Variants in KLHL25 observed in about 807,000 individuals in gnomAD.
The protein encoded by KLHL25 is kelch-like protein 25.
KLHL25 carries 41 observed loss-of-function variants against 30.0 expected under a neutral mutation model. The observed-to-expected ratio is 1.37, with a 90% confidence interval of 1.07 to 1.78. The LOEUF (loss-of-function observed/expected upper bound fraction) is 1.78. Ranked by LOEUF, KLHL25 falls within the 40% of genes most tolerant of loss-of-function variation. The pLI, the probability that KLHL25 is intolerant of heterozygous loss-of-function variation, is 0.00. For synonymous variants in KLHL25, 399 were observed against 355.3 expected, an observed-to-expected ratio of 1.12 and a Z score of -1.38; for missense variants, 971 against 824.5, an observed-to-expected ratio of 1.18 and a Z score of -2.18.
At chr15:85,784,840 G>C (rs539342429) in intron 1 of KLHL25, among the ~76,000 whole-genome samples, 6 of 152,294 alleles carry the variant, frequency 3.9e-5, no homozygotes, top group African/African-American at 1.4e-4. Flanking sequence ...AACCCAGTCA[G>C]GCCAGCCCAG....
In KLHL25 at chr15:85,789,832, A is replaced by T; in HGVS notation, c.-11+4934T>A. 6.6e-6 allele frequency among the ~76,000 whole-genome samples: 1 copy of T among 152,064 alleles called. No homozygotes were observed. The highest frequency in any genetic ancestry group is 1.9e-4 in the East Asian group (1 of 5,188). ...TCCCCTGATGCAGTCTTCTGTCTCC[A>T]CCAGCCCCTTCGCAGGAGGCCTCAA... On this transcript the variant is annotated intron_variant, in intron 1 of 2. Coordinates refer to ENST00000337975, the MANE Select transcript of KLHL25 (RefSeq NM_022480.4). The surrounding 1 kb of genome is among the most constrained non-coding windows in gnomAD (Gnocchi z 4.1).
chr15:85,794,006 A>G (rs1217987375), intron 1 of KLHL25, among the ~76,000 whole-genome samples: 1 of 152,186 alleles, frequency 6.6e-6, no homozygotes, highest in Non-Finnish European at 1.5e-5. Context: ...CCCGGGCACA[A>G]TCCCCCAAGA....
At chr15:85,767,986 C>T (rs1597272232) in intron 2 of KLHL25, 31 bp downstream of exon 2, 1 of 1,441,706 alleles carries the variant, frequency 6.9e-7, no homozygotes, top group South Asian at 1.3e-5. Flanking sequence ...CTTTCCGGAC[C>T]CAGAGTGGCC....
At chr15:85,776,130 G>A (rs1338243742) in intron 1 of KLHL25, among the ~76,000 whole-genome samples, 1 of 149,594 alleles carries the variant, frequency 6.7e-6, no homozygotes, top group Non-Finnish European at 1.5e-5. Flanking sequence ...CCGAGATCAC[G>A]CCACTGCACT....
At chr15:85,781,042 A>C (rs2089739571) in intron 1 of KLHL25, among the ~76,000 whole-genome samples, 1 of 152,174 alleles carries the variant, frequency 6.6e-6, no homozygotes, top group Non-Finnish European at 1.5e-5. Context: ...TCTAAAAAAA[A>C]CCAAAGGGGC....
At chr15:85,784,859 C>T (rs545076928) in intron 1 of KLHL25, among the ~76,000 whole-genome samples, 218 of 152,308 alleles carry the variant, frequency 1.4e-3, no homozygotes, top group Non-Finnish European at 1.6e-3. Flanking sequence ...AGACTTCCAG[C>T]CTACAGAACT....
chr15:85,793,587 G>A (rs2089830811), intron 1 of KLHL25, among the ~76,000 whole-genome samples: 3 of 152,180 alleles, frequency 2.0e-5, no homozygotes. Flanking sequence ...CTATGAATGG[G>A]GAGACTGGGA....
intron 1 of KLHL25, among the ~76,000 whole-genome samples, chr15:85,788,225 C>A (rs979162175): frequency 1.3e-5 from 2 of 152,200 alleles, no homozygotes; most frequent in Non-Finnish European, 2.9e-5. Context: ...CTGTCCGCAG[C>A]CCACGCAGGC....
intron 1 of KLHL25, among the ~76,000 whole-genome samples, chr15:85,792,602 G>A (rs2089825099): frequency 6.6e-6 from 1 of 152,172 alleles, no homozygotes; most frequent in Non-Finnish European, 1.5e-5. Context: ...CTGGACTGCT[G>A]ACTGTGCGGC....
chr15:85,783,430 G>C (rs918780538), intron 1 of KLHL25, among the ~76,000 whole-genome samples: 8 of 151,826 alleles, frequency 5.3e-5, no homozygotes, highest in African/African-American at 1.9e-4. Context: ...GATGGTTCAT[G>C]CCTATAATCA....
At chr15:85,766,793 G>A (rs2089628716) in intron 2 of KLHL25, among the ~76,000 whole-genome samples, 2 of 152,168 alleles carry the variant, frequency 1.3e-5, no homozygotes, top group South Asian at 2.1e-4. Flanking sequence ...GGATGACCTC[G>A]CTTAAGCTAG....
chr15:85,768,271 C>A lies in KLHL25; in HGVS notation c.1540G>T (p.Glu514Ter). The A allele has an allele frequency of 1.9e-6, 3 of 1,614,146 alleles. No homozygotes were observed. Among genetic ancestry groups the A allele is most frequent in the Non-Finnish European group, 2.5e-6 (3 of 1,180,036 alleles). The change falls in exon 2 of 3, where the codon GAG becomes TAG. Residue 514 changes from glutamate to a stop codon, truncating the protein, a stop_gained. Coordinates refer to ENST00000337975, the MANE Select transcript of KLHL25 (RefSeq NM_022480.4). LOFTEE classifies it high-confidence loss of function. ...TAASAYRFDC[E>*]TNQWTRIGDM... Reference sequence around the variant, plus strand: ...CCAATCCGCGTCCACTGGTTGGTCTCACAGTCAAAGCGGTAGGCCGAGGCG... The same window carrying A: ...CCAATCCGCGTCCACTGGTTGGTCTAACAGTCAAAGCGGTAGGCCGAGGCG...
chr15:85,761,637 A>G (rs1022395223), intron 2 of KLHL25: 2 of 149,194 alleles, frequency 1.3e-5, no homozygotes, highest in African/African-American at 2.5e-5. Context: ...CTCAGCCTCT[A>G]TCACCAAGTG....
At chr15:85,792,486 G>C (rs1159340496) in intron 1 of KLHL25, among the ~76,000 whole-genome samples, 1 of 152,226 alleles carries the variant, frequency 6.6e-6, no homozygotes, top group Admixed American at 6.5e-5. Flanking sequence ...AGAGGGACTA[G>C]GGGCTCAGAC....
chr15:85,768,960 G>C lies in KLHL25; in HGVS notation c.851C>G (p.Thr284Ser). The change falls in exon 2 of 3, where the codon ACC (threonine) becomes AGC (serine). Residue 284 changes from threonine (T) to serine (S), a missense_variant. Thr to Ser is a moderately conservative substitution (Grantham distance 58). Transcript: ENST00000337975. ...CTTGCGTGGCCGGGCACAGGGGCTG[G>C]TGACCACGCCATCATTCTGCAGGAT... Reference protein sequence around the residue: ...TRILQNDGVVTSPCARPRKAG... With the variant: ...TRILQNDGVVSSPCARPRKAG... The C allele has an allele frequency of 6.2e-7, 1 of 1,613,206 alleles. No homozygotes were observed. Among genetic ancestry groups the C allele is most frequent in the Non-Finnish European group, 8.5e-7 (1 of 1,180,048 alleles).
intron 1 of KLHL25, 76 bp from the exon 2 acceptor site, chr15:85,769,896 CA>C (rs1478973100): frequency 1.5e-5 from 19 of 1,240,356 alleles, no homozygotes; most frequent in Non-Finnish European, 2.1e-5. Flanking sequence ...CTCTTCAGCA[CA>C]AGCCCCCTTG....
At chr15:85,782,893 A>C (rs12916187) in intron 1 of KLHL25, among the ~76,000 whole-genome samples, 22,519 of 152,020 alleles carry the variant, frequency 0.15, 2,226 homozygotes, top group Middle Eastern at 0.29. Flanking sequence ...GCTCAAGGAC[A>C]TTGTTCTGTG....
intron 2 of KLHL25, among the ~76,000 whole-genome samples, chr15:85,766,525 C>T (rs927614720): frequency 6.6e-6 from 1 of 151,520 alleles, no homozygotes; most frequent in Non-Finnish European, 1.5e-5. Flanking sequence ...CTATTTGCTG[C>T]GGGAAGACCC....
At chr15:85,766,576 G>A (rs2089627264) in intron 2 of KLHL25, among the ~76,000 whole-genome samples, 1 of 152,226 alleles carries the variant, frequency 6.6e-6, no homozygotes, top group South Asian at 2.1e-4. Flanking sequence ...ACCAGCACCA[G>A]ATGAGACACT....
Sources: gnomAD v4.1 joint callset for allele counts (sites outside exome capture counted in the v4.1 genomes callset) on GRCh38, gnomAD v4.1.1 for gene constraint, Gnocchi (gnomAD v3.1) non-coding constraint, MANE v1.5 for transcripts, NCBI Gene and HGNC (gene_info 2026-07-23, HGNC 2026-07-21) for gene names.